Variants in FSD2 observed in about 807,000 individuals in gnomAD.
FSD2 encodes the protein fibronectin type III and SPRY domain containing 2, also known as fibronectin type III and SPRY domain-containing protein 2.
FSD2 carries 71 observed loss-of-function variants against 80.4 expected under a neutral mutation model. The ratio of observed to expected loss-of-function variants is 0.88; its 90% CI spans 0.73 to 1.08. The LOEUF (loss-of-function observed/expected upper bound fraction) is 1.08, where lower values mean the gene tolerates loss of function less well. FSD2 is among the 50% of genes least tolerant of loss of function. FSD2 has a pLI of 0.00. For missense variants in FSD2, 923 were observed against 913.8 expected, an observed-to-expected ratio of 1.01 and a Z score of -0.13; for synonymous variants, 361 against 329.5, an observed-to-expected ratio of 1.10 and a Z score of -1.03.
chr15:82,787,219 C>G lies in FSD2; in HGVS notation c.172G>C (p.Ala58Pro), dbSNP rs1323941441. The G allele has an allele frequency of 6.2e-7, 1 of 1,613,980 alleles. No homozygotes were observed. Among genetic ancestry groups the G allele is most frequent in the Non-Finnish European group, 8.5e-7 (1 of 1,179,892 alleles). Residue 58 changes from alanine to proline, a missense_variant, in exon 2 of 13, where the codon GCA becomes CCA. By Grantham distance (27) the Ala-to-Pro change is conservative. Coordinates refer to ENST00000334574, the MANE Select transcript of FSD2 (RefSeq NM_001007122.4). ...QAEMANESRG[A>P]GDGKAQRDLQ... ...TCTCTTTGAGCCTTACCATCCCCTG[C>G]TCCTCTTGACTCATTGGCCATTTCA...
At chr15:82,761,004 G>T (rs1817704452) in intron 12 of FSD2, among the ~76,000 whole-genome samples, 2 of 152,174 alleles carry the variant, frequency 1.3e-5, no homozygotes, top group Admixed American at 6.5e-5. Flanking sequence ...CCCAAATAAA[G>T]TATCTGCCTC....
At position 82,781,022 on chromosome 15, in the gene FSD2, C is replaced by G. The variant is rs2049843846; in HGVS notation, c.967-755G>C. On this transcript the variant is annotated intron_variant, in intron 4 of 12. Transcript: ENST00000334574. ...CTCTCCTCCAGCCCAAGCAACAGAG[C>G]TAGACCCTGTCTCAAAAGAAAAACC... is the stretch of plus-strand genomic sequence containing the variant. 2.6e-5 allele frequency among the ~76,000 whole-genome samples: 4 copies of G among 152,260 alleles called. No homozygotes were observed. The Middle Eastern group carries it at 0.014, about 518-fold the overall frequency.
intron 1 of FSD2, among the ~76,000 whole-genome samples, chr15:82,795,973 G>A (rs2050255172): frequency 6.7e-6 from 1 of 149,578 alleles, no homozygotes. Flanking sequence ...CATAGAAGAA[G>A]TTTTGATTTC....
At chr15:82,805,436 G>T (rs2050506107) in intron 1 of FSD2, among the ~76,000 whole-genome samples, 1 of 152,220 alleles carries the variant, frequency 6.6e-6, no homozygotes, top group African/African-American at 2.4e-5. Context: ...GATATGAAAT[G>T]ATTCAAATCA....
chr15:82,797,408 C>T (rs2050302201), intron 1 of FSD2, among the ~76,000 whole-genome samples: 1 of 152,198 alleles, frequency 6.6e-6, no homozygotes, highest in Non-Finnish European at 1.5e-5. Context: ...ACCCTAATTC[C>T]TGTTGCAGTC....
rs1191155174 is a variant in FSD2, at chr15:82,758,877, G to C, written c.*471C>G. The stretch of plus-strand genomic sequence containing the variant: ...GCTGCTCACTATTGGGAAAACGAGG[G>C]TAGAAGACATTGAGAAGGGCACACA... On this transcript the variant is annotated 3_prime_UTR_variant, in exon 13 of 13. Coordinates refer to ENST00000334574, the MANE Select transcript of FSD2 (RefSeq NM_001007122.4). 5.8e-6 allele frequency: 1 copy of C among 173,174 alleles called. No individual in the cohort carries two copies. The highest frequency in any genetic ancestry group is 1.6e-4 in the East Asian group (1 of 6,230). The allele number at this position is 173,174 out of a possible 1,614,324, so 10.7% of individuals were successfully genotyped here. A position where few individuals can be genotyped will look rare whatever the true frequency, so the allele number is the denominator to read the frequency against.
rs2049185349 is a variant in FSD2 at position 82,756,754 on chromosome 15, A to G, written c.*2594T>C. ...GGTGGGGAGGCCACAGCTTATGTGA[A>G]TGACTTTCTCAGGAGTTATAAAGTG... On this transcript the variant is annotated 3_prime_UTR_variant, in exon 13 of 13. Coordinates refer to ENST00000334574, the MANE Select transcript of FSD2 (RefSeq NM_001007122.4). The G allele has an allele frequency of 6.6e-6, 1 of 152,248 alleles. No individual in the cohort carries two copies. The highest frequency in any genetic ancestry group is 1.5e-5 in the Non-Finnish European group (1 of 68,038). The allele number at this position is 152,248 out of a possible 1,614,324, so 9.4% of individuals were successfully genotyped here.
At position 82,759,156 on chromosome 15, in the gene FSD2, C is replaced by G; in HGVS notation, c.*192G>C. On this transcript the variant is annotated 3_prime_UTR_variant, in exon 13 of 13. Coordinates refer to ENST00000334574, the MANE Select transcript of FSD2 (RefSeq NM_001007122.4). ...GGCCTGGTAATGACTATCCTAGCAG[C>G]ACACAGGTAGCAGCACACAGGACTA... is the stretch of plus-strand genomic sequence containing the variant. The G allele has an allele frequency of 1.7e-6, 1 of 604,914 alleles. No individual in the cohort carries two copies. Among genetic ancestry groups the G allele is most frequent in the South Asian group, 2.2e-5 (1 of 46,412 alleles). The allele number at this position is 604,914 out of a possible 1,614,324, so 37.5% of individuals were successfully genotyped here. A position where few individuals can be genotyped will look rare whatever the true frequency, so the allele number is the denominator to read the frequency against.
At chr15:82,802,488 T>A (rs1486279381) in intron 1 of FSD2, among the ~76,000 whole-genome samples, 1 of 152,182 alleles carries the variant, frequency 6.6e-6, no homozygotes, top group East Asian at 1.9e-4. Flanking sequence ...CACTCCTGTA[T>A]GTCAGATTGC....
intron 1 of FSD2, among the ~76,000 whole-genome samples, chr15:82,791,100 G>A (rs1441594733): frequency 2.0e-5 from 3 of 151,210 alleles, no homozygotes; most frequent in East Asian, 2.0e-4. Flanking sequence ...CCGAGTTCAC[G>A]CCATTCTCCT....
chr15:82,772,319 G>T, intron 6 of FSD2, 91 bp from the exon 7 acceptor site: 2 of 1,296,454 alleles, frequency 1.5e-6, no homozygotes, highest in South Asian at 1.3e-5. Flanking sequence ...TCCCCCCAAT[G>T]AATCCACAGC....
intron 1 of FSD2, among the ~76,000 whole-genome samples, chr15:82,800,058 C>T (rs527560842): frequency 1.3e-4 from 20 of 152,290 alleles, no homozygotes; most frequent in Non-Finnish European, 2.4e-4. Flanking sequence ...ATCCCTCTTC[C>T]TCAGCCTTTA....
At position 82,765,234 on chromosome 15, in the gene FSD2, A is replaced by G. The variant is rs1261174141; in HGVS notation, c.1752T>C (p.Leu584=). Residue 584 remains leucine, a synonymous_variant, in exon 11 of 13, where the codon CTT becomes CTC. Coordinates refer to ENST00000334574, the MANE Select transcript of FSD2 (RefSeq NM_001007122.4). ...TTCTCCTTTCACTTCGTACAGCCGT[A>G]AGTCCGTCTTCAGAAATGGTCAGCC... ...HPWLTISEDG[L]TAVRSERRTP... is the part of the protein sequence containing the mutation. 1 of 1,612,848 alleles carries G rather than the reference A, an allele frequency of 6.2e-7. No individual in the cohort carries two copies. The highest frequency in any genetic ancestry group is 1.1e-5 in the South Asian group (1 of 90,850).
intron 6 of FSD2, among the ~76,000 whole-genome samples, chr15:82,773,825 A>G (rs1048321490): frequency 3.9e-5 from 6 of 152,236 alleles, no homozygotes; most frequent in African/African-American, 1.4e-4. Flanking sequence ...CACTAAAGTG[A>G]TATTGCAAAA....
intron 1 of FSD2, among the ~76,000 whole-genome samples, chr15:82,796,000 C>CTTTTT (rs143711664): frequency 9.3e-4 from 109 of 117,366 alleles, no homozygotes; most frequent in Non-Finnish European, 1.4e-3. Flanking sequence ...TTTTTCTTTT[C>CTTTTT]TTTTTTTTTT....
intron 5 of FSD2, among the ~76,000 whole-genome samples, chr15:82,779,313 G>A (rs1428656971): frequency 2.6e-5 from 4 of 152,120 alleles, no homozygotes; most frequent in East Asian, 1.9e-4. Flanking sequence ...CATGGGACTC[G>A]GGGTCTCCTT....
chr15:82,782,977 T>C lies in FSD2; in HGVS notation c.784A>G (p.Ile262Val). The change falls in exon 4 of 13, where the codon ATC becomes GTC. Residue 262 changes from isoleucine to valine, a missense_variant. Physicochemically the swap from Ile to Val is conservative, Grantham distance 29 (BLOSUM62 3). Transcript: ENST00000334574. ...EQNFESHYNE[I>V]LETLAQKYEE... ...TATTTTTGAGCAAGTGTTTCCAAGA[T>C]CTCGTTGTAATGTGACTCAAAGTTT... is the stretch of plus-strand genomic sequence containing the variant. 1 of 1,613,838 alleles carries C rather than the reference T, an allele frequency of 6.2e-7. No individual in the cohort carries two copies. The highest frequency in any genetic ancestry group is 8.5e-7 in the Non-Finnish European group (1 of 1,179,854).
chr15:82,795,568 G>A (rs1411470013), intron 1 of FSD2, among the ~76,000 whole-genome samples: 2 of 152,236 alleles, frequency 1.3e-5, no homozygotes, highest in South Asian at 2.1e-4. Flanking sequence ...AGTGGCTCAC[G>A]CCTGTAAACC....
At chr15:82,778,462 C>G (rs577826131) in intron 6 of FSD2, among the ~76,000 whole-genome samples, 1 of 152,088 alleles carries the variant, frequency 6.6e-6, no homozygotes, top group Non-Finnish European at 1.5e-5. Context: ...CTCCATGATT[C>G]CACTTACATG....
Sources: gnomAD v4.1 joint callset for allele counts (sites outside exome capture counted in the v4.1 genomes callset) on GRCh38, gnomAD v4.1.1 for gene constraint, MANE v1.5 for transcripts, NCBI Gene and HGNC (gene_info 2026-07-23, HGNC 2026-07-21) for gene names.